Variants in OTUD7A observed in about 807,000 individuals in gnomAD.
OTUD7A encodes OTU domain-containing protein 7A.
In OTUD7A, 12 loss-of-function variants were observed where a neutral mutation model predicts 65.7. The ratio of observed to expected loss-of-function variants is 0.18; its 90% CI spans 0.12 to 0.30. The LOEUF is 0.30. Ranked by LOEUF, OTUD7A falls within the 10% of genes least tolerant of loss-of-function variation. The pLI is 1.00. For missense variants in OTUD7A, 1,148 were observed against 1,304.8 expected (o/e 0.88, Z 1.85); for synonymous variants, 641 against 586.3 (o/e 1.09, Z -1.35).
At chr15:31,754,193 A>G (rs1894745007) in intron 1 of OTUD7A, among the ~76,000 whole-genome samples, 1 of 151,984 alleles carries the variant, frequency 6.6e-6, no homozygotes, top group Admixed American at 6.6e-5. Flanking sequence ...ACATGTCCTT[A>G]GCCTACTTTT....
intron 10 of OTUD7A, among the ~76,000 whole-genome samples, chr15:31,491,602 G>A (rs2041318120): frequency 6.6e-6 from 1 of 152,106 alleles, no homozygotes; most frequent in East Asian, 1.9e-4. Flanking sequence ...AGAAATAATG[G>A]CTAAGAATTT....
intron 1 of OTUD7A, among the ~76,000 whole-genome samples, chr15:31,789,526 T>A (rs1895758568): frequency 6.6e-6 from 1 of 152,192 alleles, no homozygotes; most frequent in South Asian, 2.1e-4. Context: ...ATGCTTCCTG[T>A]CCAGTTCAGT....
At chr15:31,542,454 G>A (rs987562503) in intron 5 of OTUD7A, among the ~76,000 whole-genome samples, 2 of 151,932 alleles carry the variant, frequency 1.3e-5, no homozygotes, top group Non-Finnish European at 2.9e-5. Context: ...TAATACATTT[G>A]AAGATAAGTA....
intron 1 of OTUD7A, among the ~76,000 whole-genome samples, chr15:31,771,770 C>T (rs2140914079): frequency 6.6e-6 from 1 of 152,282 alleles, no homozygotes; most frequent in East Asian, 1.9e-4. Flanking sequence ...GCACCAGACC[C>T]CCCTCTCCAA....
intron 3 of OTUD7A, among the ~76,000 whole-genome samples, chr15:31,590,387 GTGTT>G (rs1262848799): frequency 6.6e-6 from 1 of 152,056 alleles, no homozygotes; most frequent in African/African-American, 2.4e-5. Context: ...ATATATGTGT[GTGTT>G]TATTATTGTA....
chr15:31,540,376 T>C (rs182059017), intron 5 of OTUD7A, among the ~76,000 whole-genome samples: 3 of 152,338 alleles, frequency 2.0e-5, no homozygotes, highest in Admixed American at 2.0e-4. Context: ...TAGTGGGCTT[T>C]GGAACACCTA....
intron 1 of OTUD7A, among the ~76,000 whole-genome samples, chr15:31,691,009 G>C (rs551653416): frequency 0.014 from 2,114 of 152,152 alleles, 22 homozygotes; most frequent in Middle Eastern, 0.024. Flanking sequence ...CCAACAGAAT[G>C]ACAGAAAATA....
chr15:31,671,299 G>C (rs1411838505), intron 1 of OTUD7A, among the ~76,000 whole-genome samples: 1 of 152,192 alleles, frequency 6.6e-6, no homozygotes, highest in Non-Finnish European at 1.5e-5. Flanking sequence ...TGGCTAGCCA[G>C]TTTTCCCAGC....
intron 4 of OTUD7A, among the ~76,000 whole-genome samples, chr15:31,561,966 C>T (rs1469213929): frequency 1.3e-5 from 2 of 152,168 alleles, no homozygotes; most frequent in Non-Finnish European, 2.9e-5. Flanking sequence ...AATTTCCCTG[C>T]CACTGACAAA....
At chr15:31,838,375 T>C (rs1374314687) in intron 1 of OTUD7A, among the ~76,000 whole-genome samples, 2 of 152,210 alleles carry the variant, frequency 1.3e-5, no homozygotes, top group Admixed American at 1.3e-4. Flanking sequence ...CCACTAGCAC[T>C]GCCATCATCC....
At chr15:31,725,483 C>T (rs550799335) in intron 1 of OTUD7A, among the ~76,000 whole-genome samples, 1 of 152,144 alleles carries the variant, frequency 6.6e-6, no homozygotes, top group Non-Finnish European at 1.5e-5. Context: ...CGCAGAAGCC[C>T]GTGACTTTGA....
intron 3 of OTUD7A, among the ~76,000 whole-genome samples, chr15:31,607,668 T>C (rs1433238772): frequency 6.6e-6 from 1 of 152,164 alleles, no homozygotes; most frequent in Non-Finnish European, 1.5e-5. Flanking sequence ...TGTATTACCT[T>C]TTCTATATTT....
chr15:31,641,998 T>TG (rs1359229047), intron 3 of OTUD7A, among the ~76,000 whole-genome samples: 1 of 152,206 alleles, frequency 6.6e-6, no homozygotes, highest in East Asian at 1.9e-4. Flanking sequence ...TCTTGATCTT[T>TG]GGGGAAAAGC....
At chr15:31,761,034 T>C (rs1894948328) in intron 1 of OTUD7A, among the ~76,000 whole-genome samples, 1 of 152,120 alleles carries the variant, frequency 6.6e-6, no homozygotes, top group African/African-American at 2.4e-5. Context: ...TAAGACAAGA[T>C]TGATCATGAG....
chr15:31,858,179 C>A (rs1319724681), intron 1 of OTUD7A, among the ~76,000 whole-genome samples: 1 of 152,152 alleles, frequency 6.6e-6, no homozygotes, highest in East Asian at 1.9e-4. Flanking sequence ...CCGCTGAGGA[C>A]CTCTTGGAGC....
intron 8 of OTUD7A, among the ~76,000 whole-genome samples, chr15:31,519,720 G>A (rs1459454756): frequency 6.6e-6 from 1 of 152,174 alleles, no homozygotes; most frequent in Admixed American, 6.5e-5. Flanking sequence ...ATCCCTGTTT[G>A]CTAGTGATAT....
intron 3 of OTUD7A, among the ~76,000 whole-genome samples, chr15:31,604,054 T>G (rs1195526356): frequency 6.6e-6 from 1 of 152,122 alleles, no homozygotes; most frequent in Admixed American, 6.5e-5. Context: ...CAAGGATCTA[T>G]AACTAGAAAT....
intron 8 of OTUD7A, among the ~76,000 whole-genome samples, chr15:31,524,381 A>T (rs566798468): frequency 6.7e-6 from 1 of 148,246 alleles, no homozygotes; most frequent in East Asian, 1.9e-4. Flanking sequence ...CCTTCCATTT[A>T]TCATTTTTGT....
At chr15:31,870,260 G>A (rs1031664294) in intron 1 of OTUD7A, among the ~76,000 whole-genome samples, 1 of 148,374 alleles carries the variant, frequency 6.7e-6, no homozygotes, top group African/African-American at 2.4e-5. Context: ...CGGAGCCGGT[G>A]GCCCGGGAGC....
Sources: gnomAD v4.1 joint callset for allele counts (sites outside exome capture counted in the v4.1 genomes callset) on GRCh38, gnomAD v4.1.1 for gene constraint, MANE v1.5 for transcripts, NCBI Gene and HGNC (gene_info 2026-07-23, HGNC 2026-07-21) for gene names.